Variants in XPO6 observed in about 807,000 individuals in gnomAD.
The protein encoded by XPO6 is exportin 6.
Under a neutral mutation model 130.0 loss-of-function variants are expected in XPO6, and 3 were observed. The observed-to-expected ratio is 0.02, with a 90% CI of 0.01 to 0.06. XPO6 has a LOEUF of 0.06. XPO6 is among the 10% of genes least tolerant of loss of function. XPO6 has a pLI of 1.00. For missense variants in XPO6, 970 were observed against 1,393.0 expected, an observed-to-expected ratio of 0.70 and a Z score of 4.83; for synonymous variants, 524 against 548.9, an observed-to-expected ratio of 0.95 and a Z score of 0.63.
chr16:28,099,154 C>T (rs1192300724), intron 23 of XPO6, among the ~76,000 whole-genome samples: 2 of 152,198 alleles, frequency 1.3e-5, no homozygotes, highest in African/African-American at 4.8e-5. Flanking sequence ...CCAGGCCGCC[C>T]CTGCCCCTCG....
intron 6 of XPO6, among the ~76,000 whole-genome samples, chr16:28,164,416 T>C (rs1346729304): frequency 2.0e-5 from 3 of 152,214 alleles, no homozygotes; most frequent in African/African-American, 4.8e-5. Flanking sequence ...CAAGATCTAA[T>C]GACTTCACTT....
chr16:28,121,076 T>C (rs1429622048), intron 14 of XPO6, among the ~76,000 whole-genome samples: 1 of 152,264 alleles, frequency 6.6e-6, no homozygotes, highest in African/African-American at 2.4e-5. Context: ...CTTCCATATG[T>C]CACTTTCCTA....
chr16:28,131,332 A>G (rs1199487562), intron 12 of XPO6, among the ~76,000 whole-genome samples: 1 of 152,160 alleles, frequency 6.6e-6, no homozygotes, highest in African/African-American at 2.4e-5. Flanking sequence ...TCTGCCATGA[A>G]TCACAAGCTC....
intron 1 of XPO6, among the ~76,000 whole-genome samples, chr16:28,209,761 T>TC (rs1208063829): frequency 6.6e-6 from 1 of 151,900 alleles, no homozygotes; most frequent in African/African-American, 2.4e-5. Flanking sequence ...AGAAATCCTA[T>TC]CCCCAAATTT....
intron 15 of XPO6, among the ~76,000 whole-genome samples, chr16:28,114,199 C>CAA (rs71389524): frequency 0.014 from 1,384 of 97,678 alleles, 16 homozygotes; most frequent in African/African-American, 0.018. Flanking sequence ...TACATCCTCA[C>CAA]AAAAAAAAAA....
intron 14 of XPO6, among the ~76,000 whole-genome samples, chr16:28,118,697 A>C (rs2087140570): frequency 6.6e-6 from 1 of 152,196 alleles, no homozygotes; most frequent in African/African-American, 2.4e-5. Context: ...ATTTTCATTC[A>C]AACTGGTATA....
At chr16:28,175,221 T>TC (rs1412485261) in intron 4 of XPO6, among the ~76,000 whole-genome samples, 1 of 151,932 alleles carries the variant, frequency 6.6e-6, no homozygotes, top group Non-Finnish European at 1.5e-5. Flanking sequence ...ACCCACCAGG[T>TC]CGTCTCCTTT....
intron 9 of XPO6, among the ~76,000 whole-genome samples, chr16:28,138,631 C>G (rs994890477): frequency 1.3e-5 from 2 of 152,130 alleles, no homozygotes; most frequent in African/African-American, 4.8e-5. Context: ...AGCAAGAGAG[C>G]ACTGGGTATT....
In XPO6 at chr16:28,133,833, C is replaced by G. The variant is rs1287010381; in HGVS notation, c.1536+8G>C. On this transcript the variant is annotated splice_region_variant and intron_variant, in intron 11 of 23. Coordinates refer to ENST00000304658, the MANE Select transcript of XPO6 (RefSeq NM_015171.4). ...CTACACTCTCCACTCCCCCGGACAG[C>G]ACATTACCAGTGTGGAGAAGGCGTG... 4 of 1,613,822 alleles carry G rather than the reference C, an allele frequency of 2.5e-6. No individual in the cohort carries two copies. Among genetic ancestry groups the G allele is most frequent in the Non-Finnish European group, 3.4e-6 (4 of 1,179,904 alleles).
intron 2 of XPO6, among the ~76,000 whole-genome samples, chr16:28,178,928 G>T (rs143446303): frequency 6.6e-6 from 1 of 152,002 alleles, no homozygotes; most frequent in South Asian, 2.1e-4. Flanking sequence ...TTAGCTGGGC[G>T]TAGTGGCAAG....
At chr16:28,168,528 C>T (rs1357070078) in intron 5 of XPO6, among the ~76,000 whole-genome samples, 1 of 151,546 alleles carries the variant, frequency 6.6e-6, no homozygotes, top group African/African-American at 2.4e-5. Context: ...TGAATAAATA[C>T]TCTGAAGGTT....
intron 16 of XPO6, 127 bp downstream of exon 16, chr16:28,112,777 A>T: frequency 8.1e-7 from 1 of 1,241,646 alleles, no homozygotes; most frequent in Non-Finnish European, 1.1e-6. Flanking sequence ...CACAATAAGA[A>T]ATCTGTCTAT....
Position 28,132,246 on chromosome 16 carries a change from G to T in XPO6, c.1606+88C>A. 2.0e-6 allele frequency: 2 copies of T among 1,021,288 alleles called. No homozygotes were observed. Among genetic ancestry groups the T allele is most frequent in the South Asian group, 1.5e-5 (1 of 68,658 alleles). 63.3% of individuals were successfully genotyped at this position (1,021,288 alleles called of 1,614,324 possible). A position where few individuals can be genotyped will look rare whatever the true frequency, so the allele number is the denominator to read the frequency against. On this transcript the variant is annotated intron_variant, in intron 12 of 23. Coordinates refer to ENST00000304658, the MANE Select transcript of XPO6 (RefSeq NM_015171.4). The surrounding 1 kb of genome is among the most constrained non-coding windows in gnomAD (Gnocchi z 4.0). ...GGGGAGGCTGCAGTGAAGAAATCAT[G>T]TTCCGACAGCAACGGCAGCAGTAAT...
At chr16:28,155,918 A>T in intron 7 of XPO6, 156 bp downstream of exon 7, 2 of 1,405,252 alleles carry the variant, frequency 1.4e-6, no homozygotes. Context: ...CCTTCCAGCT[A>T]ATCTCAGACT....
intron 15 of XPO6, among the ~76,000 whole-genome samples, chr16:28,114,752 T>C (rs557184641): frequency 6.6e-6 from 1 of 152,346 alleles, no homozygotes; most frequent in Admixed American, 6.5e-5. Flanking sequence ...TCATGAAATA[T>C]TTCTCTGGAG....
intron 6 of XPO6, among the ~76,000 whole-genome samples, chr16:28,165,599 A>G (rs2043344924): frequency 6.6e-6 from 1 of 152,244 alleles, no homozygotes; most frequent in Admixed American, 6.5e-5. Flanking sequence ...TCAATTCTAG[A>G]GTAACTCTGT....
In XPO6 at chr16:28,178,879, C is replaced by T. The variant is rs369687775; in HGVS notation, c.95-1547G>A. Among the ~76,000 whole-genome samples the T allele has an allele frequency of 6.7e-4, 102 of 152,080 alleles. 1 individual carries two copies. The East Asian group carries it at 0.015, about 22-fold the overall frequency. On this transcript the variant is annotated intron_variant, in intron 2 of 23. Transcript: ENST00000304658. ...GTCAAGAGATCGAGACTATCCTGGC[C>T]AACATGGCGAAACCCCGTCACTACT...
At chr16:28,102,776 G>A (rs1045211047) in intron 21 of XPO6, among the ~76,000 whole-genome samples, 8 of 151,906 alleles carry the variant, frequency 5.3e-5, no homozygotes, top group Non-Finnish European at 1.0e-4. Flanking sequence ...CTAGTTCAGG[G>A]GCAAAAAGAA....
chr16:28,148,840 G>A (rs944475516), intron 8 of XPO6, among the ~76,000 whole-genome samples: 13 of 151,854 alleles, frequency 8.6e-5, no homozygotes, highest in Admixed American at 2.0e-4. Flanking sequence ...TCAGGAATTC[G>A]AGACCAGCCT....
Sources: allele counts gnomAD v4.1 joint callset (sites outside exome capture counted in the v4.1 genomes callset), GRCh38; gene constraint gnomAD v4.1.1; non-coding constraint Gnocchi (gnomAD v3.1); transcripts MANE v1.5; gene names NCBI Gene and HGNC (gene_info 2026-07-23, HGNC 2026-07-21).